PTPRT: variants seen among roughly 807,000 people sequenced by gnomAD.
PTPRT encodes receptor-type tyrosine-protein phosphatase T.
Under a neutral mutation model 176.8 loss-of-function variants are expected in PTPRT, and 56 were observed. The ratio of observed to expected loss-of-function variants is 0.32; its 90% CI spans 0.26 to 0.40. The LOEUF (loss-of-function observed/expected upper bound fraction) is 0.40. Ranked by LOEUF, PTPRT falls within the 10% of genes least tolerant of loss-of-function variation. The pLI is 1.00. For synonymous variants in PTPRT, 783 were observed against 739.0 expected, an observed-to-expected ratio of 1.06 and a Z score of -0.96; for missense variants, 1,540 against 1,908.2, an observed-to-expected ratio of 0.81 and a Z score of 3.60.
At chr20:42,412,658 T>C (rs1568857186) in intron 9 of PTPRT, among the ~76,000 whole-genome samples, 1 of 152,240 alleles carries the variant, frequency 6.6e-6, no homozygotes, top group Non-Finnish European at 1.5e-5. Flanking sequence ...CACAGATTTC[T>C]ATCCATGAAT....
intron 2 of PTPRT, among the ~76,000 whole-genome samples, chr20:42,860,983 T>C (rs2078650730): frequency 6.6e-6 from 1 of 152,208 alleles, no homozygotes; most frequent in African/African-American, 2.4e-5. Context: ...CTTTTAAGGA[T>C]GACGATTATT....
rs546002229 is a variant in PTPRT at position 42,372,401 on chromosome 20, G to A, written c.1561-20116C>T. On this transcript the variant is annotated intron_variant, in intron 9 of 30. Transcript: ENST00000373187. Reference sequence around the variant, plus strand: ...TGGGTTCAAGCGATTCTCCTGTCTCGGCCTCCTAAGTAGCTGGGACTATAG... The same window carrying A: ...TGGGTTCAAGCGATTCTCCTGTCTCAGCCTCCTAAGTAGCTGGGACTATAG... 2.2e-3 allele frequency among the ~76,000 whole-genome samples: 330 copies of A among 149,582 alleles called. 1 individual carries two copies. Among genetic ancestry groups the A allele is most frequent in the Middle Eastern group, 0.014 (4 of 286 alleles).
intron 5 of PTPRT, among the ~76,000 whole-genome samples, chr20:42,768,642 GCGGTTTT>G (rs1381471117): frequency 1.3e-5 from 2 of 152,216 alleles, no homozygotes; most frequent in Non-Finnish European, 2.9e-5. Context: ...GTGCAGAAAT[GCGGTTTT>G]CGCATTATTA....
At chr20:42,784,646 C>T (rs7261783) in intron 3 of PTPRT, among the ~76,000 whole-genome samples, 13,544 of 152,072 alleles carry the variant, frequency 0.089, 660 homozygotes, top group South Asian at 0.2. Flanking sequence ...CCACATAGCA[C>T]CGTTTTCCAG....
intron 13 of PTPRT, among the ~76,000 whole-genome samples, chr20:42,254,320 G>A (rs6030090): frequency 0.015 from 2,216 of 152,276 alleles, 56 homozygotes; most frequent in African/African-American, 0.051. Context: ...GAATATTGGC[G>A]AAACTTGGGA....
intron 7 of PTPRT, among the ~76,000 whole-genome samples, chr20:42,537,235 A>G (rs1013202976): frequency 2.6e-5 from 4 of 152,188 alleles, no homozygotes; most frequent in African/African-American, 7.2e-5. Flanking sequence ...CACTGTTAAG[A>G]GCAGTATTCT....
At chr20:42,101,127 G>A (rs1249183497) in intron 26 of PTPRT, among the ~76,000 whole-genome samples, 1 of 152,224 alleles carries the variant, frequency 6.6e-6, no homozygotes, top group Non-Finnish European at 1.5e-5. Context: ...GGGCTGGGGA[G>A]GGGAAGCTGG....
intron 1 of PTPRT, among the ~76,000 whole-genome samples, chr20:43,034,648 A>T (rs1879036059): frequency 6.7e-6 from 1 of 150,076 alleles, no homozygotes; most frequent in African/African-American, 2.5e-5. Flanking sequence ...TTTTTGCCAT[A>T]AAAACAGCAA....
At chr20:42,815,004 G>A (rs1009212733) in intron 2 of PTPRT, among the ~76,000 whole-genome samples, 10 of 152,152 alleles carry the variant, frequency 6.6e-5, no homozygotes, top group South Asian at 2.1e-4. Flanking sequence ...AGCAATGGGG[G>A]TACAGGTGAG....
chr20:42,520,354 G>A (rs910457940), intron 7 of PTPRT, among the ~76,000 whole-genome samples: 6 of 151,976 alleles, frequency 3.9e-5, no homozygotes, highest in Non-Finnish European at 5.9e-5. Flanking sequence ...TGGAATCCCC[G>A]TCCCAGTAAC....
At chr20:42,539,819 G>A (rs531466231) in intron 7 of PTPRT, among the ~76,000 whole-genome samples, 147 of 151,990 alleles carry the variant, frequency 9.7e-4, no homozygotes, top group Admixed American at 1.4e-3. Flanking sequence ...CCAATAAAAG[G>A]GTTAGAGGAT....
intron 27 of PTPRT, among the ~76,000 whole-genome samples, chr20:42,089,446 A>G (rs2146148710): frequency 6.6e-6 from 1 of 152,212 alleles, no homozygotes; most frequent in South Asian, 2.1e-4. Flanking sequence ...ATTATCCCCA[A>G]TATCTTCAGT....
At chr20:42,452,267 CAA>C (rs200511615) in intron 8 of PTPRT, among the ~76,000 whole-genome samples, 1 of 118,072 alleles carries the variant, frequency 8.5e-6, no homozygotes. Context: ...GACTCCATCT[CAA>C]AAAAAAAAAA....
intron 1 of PTPRT, among the ~76,000 whole-genome samples, chr20:43,083,349 T>TATATATACATATATATAC (rs1568774162): frequency 8.5e-6 from 1 of 117,402 alleles, no homozygotes; most frequent in South Asian, 2.7e-4. Flanking sequence ...TATATATATA[T>TATATATACATATATATAC]ATATATATAT....
chr20:43,011,776 A>G (rs984711831), intron 1 of PTPRT, among the ~76,000 whole-genome samples: 2 of 152,234 alleles, frequency 1.3e-5, no homozygotes, highest in African/African-American at 4.8e-5. Context: ...GATCAACATA[A>G]GTCAGTGGAC....
chr20:43,058,123 G>A (rs556727607), intron 1 of PTPRT, among the ~76,000 whole-genome samples: 1 of 152,286 alleles, frequency 6.6e-6, no homozygotes, highest in South Asian at 2.1e-4. Context: ...AACCATCAGG[G>A]CTTCCAGAGT....
chr20:42,878,960 C>T (rs2078973997), intron 2 of PTPRT, among the ~76,000 whole-genome samples: 3 of 152,158 alleles, frequency 2.0e-5, no homozygotes, highest in South Asian at 4.2e-4. Context: ...ATCTGGGAGG[C>T]GGAGCTTGCA....
intron 12 of PTPRT, among the ~76,000 whole-genome samples, chr20:42,312,299 C>A (rs2145359124): frequency 6.6e-6 from 1 of 152,220 alleles, no homozygotes; most frequent in Non-Finnish European, 1.5e-5. Context: ...TGCACACGAA[C>A]AACAACTTGG....
intron 13 of PTPRT, among the ~76,000 whole-genome samples, chr20:42,267,875 C>A (rs2056865345): frequency 6.6e-6 from 1 of 152,204 alleles, no homozygotes; most frequent in African/African-American, 2.4e-5. Context: ...GCACTTAGTT[C>A]TCATGATTAC....
Sources: allele counts gnomAD v4.1 joint callset (sites outside exome capture counted in the v4.1 genomes callset), GRCh38; gene constraint gnomAD v4.1.1; transcripts MANE v1.5; gene names NCBI Gene and HGNC (gene_info 2026-07-23, HGNC 2026-07-21).